Variants in TNRC6B observed in about 807,000 individuals in gnomAD.
The protein encoded by TNRC6B is trinucleotide repeat containing adaptor 6B.
Under a neutral mutation model 203.6 loss-of-function variants are expected in TNRC6B, and 52 were observed. That is an observed-to-expected ratio of 0.26 (90% CI 0.20 to 0.32). The LOEUF (loss-of-function observed/expected upper bound fraction) is 0.32. Among genes scored for constraint, TNRC6B ranks in the 10% least tolerant of loss-of-function variants. The pLI, the probability that TNRC6B is intolerant of heterozygous loss-of-function variation, is 1.00. For synonymous variants in TNRC6B, 838 were observed against 845.7 expected (o/e 0.99, Z 0.16); for missense variants, 1,923 against 2,286.2 (o/e 0.84, Z 3.24).
At position 40,126,098 on chromosome 22, in the gene TNRC6B, ATAC is replaced by A. The variant is rs1442015962; in HGVS notation, c.45+239_45+241del. On this transcript the variant is annotated intron_variant, in intron 3 of 23. Transcript: ENST00000301923. ...TTTATAATTTATTTTTAGAACACTAATACTATGTCTTTTAAAGTTTGTTACGAA... is the reference window on the plus strand; with the variant it reads ...TTTATAATTTATTTTTAGAACACTAATATGTCTTTTAAAGTTTGTTACGAA... 2.6e-5 allele frequency among the ~76,000 whole-genome samples: 4 copies of A among 152,292 alleles called. No individual in the cohort carries two copies. In the East Asian group the frequency reaches 7.7e-4, roughly 29 times the overall value.
intron 12 of TNRC6B, among the ~76,000 whole-genome samples, chr22:40,298,295 C>A (rs2146544422): frequency 6.6e-6 from 1 of 152,196 alleles, no homozygotes; most frequent in South Asian, 2.1e-4. Flanking sequence ...GAGAAATTGA[C>A]ATCTTAGGCA....
At chr22:40,208,401 A>G (rs565124173) in intron 1 of TNRC6B, among the ~76,000 whole-genome samples, 1 of 152,184 alleles carries the variant, frequency 6.6e-6, no homozygotes, top group Non-Finnish European at 1.5e-5. Flanking sequence ...TGGAAACCTT[A>G]ATGCCCATCA....
chr22:40,244,568 C>A (rs1469372898), intron 1 of TNRC6B, among the ~76,000 whole-genome samples: 1 of 151,662 alleles, frequency 6.6e-6, no homozygotes, highest in Non-Finnish European at 1.5e-5. Context: ...TAAACTAGAT[C>A]TCCGCTTCCC....
At position 40,183,009 on chromosome 22, in the gene TNRC6B, C is replaced by T. The variant is rs1361752169; in HGVS notation, c.5+4869C>T. The stretch of plus-strand genomic sequence containing the variant: ...TATGGTACGTCTCCACAATACTATC[C>T]GGTTTCCTGAAAGCAGAGACCTTAT... On this transcript the variant is annotated intron_variant, in intron 1 of 22. Coordinates refer to ENST00000454349, the MANE Select transcript of TNRC6B (RefSeq NM_001162501.2). Among the ~76,000 whole-genome samples the T allele has an allele frequency of 2.6e-5, 4 of 152,088 alleles. No homozygotes were observed. The South Asian group carries it at 6.2e-4, about 24-fold the overall frequency.
chr22:40,073,104 C>G (rs2067967172), intron 1 of TNRC6B, among the ~76,000 whole-genome samples: 1 of 151,444 alleles, frequency 6.6e-6, no homozygotes, highest in African/African-American at 2.4e-5. Context: ...ACTCCTATCC[C>G]CTACTGCCCC....
intron 2 of TNRC6B, among the ~76,000 whole-genome samples, chr22:40,124,020 T>A (rs183145599): frequency 6.6e-6 from 1 of 152,260 alleles, no homozygotes; most frequent in Non-Finnish European, 1.5e-5. Flanking sequence ...CAATGTTGAT[T>A]AAGCTGGGAG....
intron 12 of TNRC6B, among the ~76,000 whole-genome samples, chr22:40,294,858 C>T (rs893488776): frequency 1.3e-5 from 2 of 152,344 alleles, no homozygotes; most frequent in East Asian, 1.9e-4. Flanking sequence ...TTGTGGAGGA[C>T]GTGTTCCTCA....
At chr22:40,223,054 T>C (rs1313387460) in intron 1 of TNRC6B, among the ~76,000 whole-genome samples, 1 of 151,994 alleles carries the variant, frequency 6.6e-6, no homozygotes, top group East Asian at 1.9e-4. Context: ...ACCTGTATTA[T>C]ATTTTTAAAA....
intron 3 of TNRC6B, among the ~76,000 whole-genome samples, chr22:40,150,232 G>T (rs1264900120): frequency 2.6e-5 from 4 of 152,104 alleles, no homozygotes; most frequent in Admixed American, 2.6e-4. Flanking sequence ...CAAAAAATTA[G>T]CCAGGCGTGG....
chr22:40,082,275 T>C (rs1018777935), intron 1 of TNRC6B, among the ~76,000 whole-genome samples: 5 of 152,230 alleles, frequency 3.3e-5, no homozygotes, highest in Admixed American at 2.0e-4. Flanking sequence ...AGAACTATTA[T>C]AGATACAATG....
intron 3 of TNRC6B, among the ~76,000 whole-genome samples, chr22:40,151,308 A>T (rs920024926): frequency 2.0e-5 from 3 of 152,100 alleles, no homozygotes; most frequent in African/African-American, 7.2e-5. Context: ...TCACACCTGT[A>T]ATCCCAGCTC....
chr22:40,239,891 G>A (rs1047641136), intron 1 of TNRC6B, among the ~76,000 whole-genome samples: 24 of 151,988 alleles, frequency 1.6e-4, no homozygotes, highest in African/African-American at 5.6e-4. Flanking sequence ...AGGCTGGAGT[G>A]CAGTGGCGCG....
At chr22:40,157,001 C>T (rs1410044968) in intron 4 of TNRC6B, among the ~76,000 whole-genome samples, 3 of 151,986 alleles carry the variant, frequency 2.0e-5, no homozygotes, top group African/African-American at 7.2e-5. Flanking sequence ...TCTTGAACTC[C>T]TGACCTCAGG....
At chr22:40,261,762 A>G in intron 3 of TNRC6B, 70 bp from the exon 4 acceptor site, 1 of 1,238,132 alleles carries the variant, frequency 8.1e-7, no homozygotes, top group Non-Finnish European at 1.1e-6. Context: ...TAATAAAATT[A>G]TTTTTAAAAT....
At position 40,332,413 on chromosome 22, in the gene TNRC6B, A is replaced by G. The variant is rs572314925; in HGVS notation, c.*9172A>G. On this transcript the variant is annotated 3_prime_UTR_variant, in exon 23 of 23. Coordinates refer to ENST00000454349, the MANE Select transcript of TNRC6B (RefSeq NM_001162501.2). ...ATGCAGCCTCTTCTTTGTCCTAACA[A>G]TTCCTTTGTTGATCTTGCCTGTGAT... 2 of 152,770 alleles carry G rather than the reference A, an allele frequency of 1.3e-5. No individual in the cohort carries two copies. The highest frequency in any genetic ancestry group is 3.9e-4 in the East Asian group (2 of 5,182). The allele number at this position is 152,770 out of a possible 1,614,324, so 9.5% of individuals were successfully genotyped here. A position where few individuals can be genotyped will look rare whatever the true frequency, so the allele number is the denominator to read the frequency against.
intron 2 of TNRC6B, among the ~76,000 whole-genome samples, chr22:40,247,332 A>G (rs2070122708): frequency 6.6e-6 from 1 of 152,184 alleles, no homozygotes; most frequent in East Asian, 1.9e-4. Context: ...GTTCAGAGGA[A>G]ACTCTAGATT....
intron 3 of TNRC6B, among the ~76,000 whole-genome samples, chr22:40,137,916 G>A (rs933255345): frequency 1.3e-5 from 2 of 150,934 alleles, no homozygotes; most frequent in African/African-American, 4.9e-5. Context: ...TTGGGAGGCA[G>A]AGGTTGCAGT....
intron 3 of TNRC6B, among the ~76,000 whole-genome samples, chr22:40,252,009 A>AGGTGC (rs1380608699): frequency 1.3e-5 from 2 of 152,188 alleles, no homozygotes; most frequent in Non-Finnish European, 2.9e-5. Flanking sequence ...AAACAGAAGC[A>AGGTGC]GGTGCCCCTT....
chr22:40,248,439 CCAAA>C (rs567925157), intron 2 of TNRC6B, among the ~76,000 whole-genome samples: 1 of 152,264 alleles, frequency 6.6e-6, no homozygotes, highest in South Asian at 2.1e-4. Flanking sequence ...CAAGAGGATG[CCAAA>C]CAGAGTGATT....
Sources: gnomAD v4.1 joint callset for allele counts (sites outside exome capture counted in the v4.1 genomes callset) on GRCh38, gnomAD v4.1.1 for gene constraint, MANE v1.5 for transcripts, NCBI Gene and HGNC (gene_info 2026-07-23, HGNC 2026-07-21) for gene names.